The following RORA variants were observed in gnomAD, a reference collection of about 807,000 sequenced individuals.
The protein encoded by RORA is nuclear receptor ROR-alpha.
In RORA, 7 loss-of-function variants were observed where a neutral mutation model predicts 69.5. The ratio of observed to expected loss-of-function variants is 0.10; its 90% confidence interval spans 0.06 to 0.19. The LOEUF is 0.19. Ranked by LOEUF, RORA falls within the 10% of genes least tolerant of loss-of-function variation. The pLI is 1.00. For missense variants in RORA, 457 were observed against 663.0 expected (o/e 0.69, Z 3.41); for synonymous variants, 261 against 240.8 (o/e 1.08, Z -0.78).
chr15:60,584,558 A>G (rs2140495271), intron 2 of RORA, among the ~76,000 whole-genome samples: 1 of 152,348 alleles, frequency 6.6e-6, no homozygotes, highest in Admixed American at 6.5e-5. Flanking sequence ...TTCATGGCTT[A>G]AGACACTTGA....
chr15:61,011,892 G>C (rs1895098383), intron 1 of RORA, among the ~76,000 whole-genome samples: 1 of 152,222 alleles, frequency 6.6e-6, no homozygotes, highest in Non-Finnish European at 1.5e-5. Context: ...CTCATTTCCA[G>C]AGAGCTTGCG....
chr15:60,951,038 A>T (rs1893077507), intron 1 of RORA, among the ~76,000 whole-genome samples: 1 of 151,070 alleles, frequency 6.6e-6, no homozygotes, highest in African/African-American at 2.4e-5. Flanking sequence ...CACACTTGGA[A>T]GTAAAGCTCT....
At chr15:61,181,228 C>T (rs942133070) in intron 1 of RORA, 1 of 151,914 alleles carries the variant, frequency 6.6e-6, no homozygotes, top group Non-Finnish European at 1.5e-5. Context: ...CCGGCCCAGT[C>T]AGAAATCCAG....
At chr15:60,643,484 T>C (rs184896249) in intron 2 of RORA, among the ~76,000 whole-genome samples, 102 of 152,350 alleles carry the variant, frequency 6.7e-4, no homozygotes, top group South Asian at 2.1e-4. Flanking sequence ...ATAGTTTGTG[T>C]TCCAAGAATA....
At chr15:61,137,354 C>G (rs1596019375) in intron 1 of RORA, among the ~76,000 whole-genome samples, 1 of 152,332 alleles carries the variant, frequency 6.6e-6, no homozygotes, top group South Asian at 2.1e-4. Flanking sequence ...CTCTCTGGCG[C>G]CCAAAGTGGC....
chr15:60,863,638 A>T (rs989051184), intron 1 of RORA, among the ~76,000 whole-genome samples: 5 of 152,244 alleles, frequency 3.3e-5, no homozygotes, highest in African/African-American at 1.2e-4. Context: ...TAATACTGCC[A>T]TCTACCTTAC....
intron 1 of RORA, among the ~76,000 whole-genome samples, chr15:60,840,255 G>A (rs2073178172): frequency 6.6e-6 from 1 of 152,234 alleles, no homozygotes; most frequent in South Asian, 2.1e-4. Flanking sequence ...TCATCAGAGG[G>A]AAAGGAAGGA....
At chr15:60,844,821 A>G (rs2073244103) in intron 1 of RORA, among the ~76,000 whole-genome samples, 2 of 152,362 alleles carry the variant, frequency 1.3e-5, no homozygotes, top group African/African-American at 4.8e-5. Flanking sequence ...CTCCAGGGCT[A>G]CACTTGGGGA....
rs1595860606 is a variant in RORA at position 60,497,596 on chromosome 15, T to C, written c.1431A>G (p.Leu477=). ...CTGTATGTCGTCCACATAAGGCTCT[T>C]AAGGTAGACACCTTGCATATTAACT... ...LTKLICKVST[L]RALCGRHTEK... Residue 477 remains leucine (L), a synonymous_variant, in exon 11 of 11, where the codon TTA becomes TTG. Coordinates refer to ENST00000335670, the MANE Select transcript of RORA (RefSeq NM_134261.3). 6.2e-7 allele frequency: 1 copy of C among 1,612,314 alleles called. No homozygotes were observed.
intron 2 of RORA, among the ~76,000 whole-genome samples, chr15:60,563,787 T>C (rs781065486): frequency 6.6e-6 from 1 of 152,088 alleles, no homozygotes; most frequent in Non-Finnish European, 1.5e-5. Context: ...CATCTTCTAG[T>C]TCACTGTGGT....
chr15:61,168,716 A>C (rs1010618907), intron 1 of RORA, among the ~76,000 whole-genome samples: 1 of 152,006 alleles, frequency 6.6e-6, no homozygotes, highest in Non-Finnish European at 1.5e-5. Flanking sequence ...GGTTCCCCTC[A>C]CCAGGAGTCT....
At chr15:61,219,064 G>A (rs1408049607) in intron 1 of RORA, among the ~76,000 whole-genome samples, 1 of 152,190 alleles carries the variant, frequency 6.6e-6, no homozygotes, top group East Asian at 1.9e-4. Flanking sequence ...ATCAGAGCAT[G>A]AGACTTGGAC....
In RORA at chr15:60,869,401, A is replaced by T. The variant is rs141693366; in HGVS notation, c.167-190715T>A. Among the ~76,000 whole-genome samples the T allele has an allele frequency of 1.4e-3, 215 of 152,296 alleles. 1 individual carries two copies. The highest frequency in any genetic ancestry group is 3.9e-3 in the African/African-American group (162 of 41,576). ...TCACCCAGGATAGGCCACAATATAG[A>T]TTATCCAGGTGCACCTAACAGGAGA... On this transcript the variant is annotated intron_variant, in intron 1 of 10. Transcript: ENST00000335670.
intron 1 of RORA, among the ~76,000 whole-genome samples, chr15:60,998,659 A>T (rs1894645221): frequency 6.6e-6 from 1 of 152,174 alleles, no homozygotes; most frequent in Admixed American, 6.5e-5. Context: ...TCAGTCTCCC[A>T]AAGTGCTGGG....
rs77001062 is a variant in RORA, at chr15:60,747,988, G to A, written c.167-69302C>T. On this transcript the variant is annotated intron_variant, in intron 1 of 10. Coordinates refer to ENST00000335670, the MANE Select transcript of RORA (RefSeq NM_134261.3). ...TATATTGCATTGCCCACTTGTTAAA[G>A]TTTAAAATGTTGCAAATGGCCAAGA... Among the ~76,000 whole-genome samples the A allele has an allele frequency of 3.2e-4, 49 of 152,232 alleles. No individual in the cohort carries two copies. In the East Asian group the frequency reaches 9.1e-3, roughly 28 times the overall value.
chr15:60,509,594 C>G (rs1488629068), intron 5 of RORA, among the ~76,000 whole-genome samples: 1 of 152,152 alleles, frequency 6.6e-6, no homozygotes, highest in Non-Finnish European at 1.5e-5. Flanking sequence ...ATTTGACAAG[C>G]AAACAGGACA....
chr15:60,984,320 G>A (rs983847396), intron 1 of RORA, among the ~76,000 whole-genome samples: 1 of 152,014 alleles, frequency 6.6e-6, no homozygotes, highest in African/African-American at 2.4e-5. Context: ...GGAGAAGGGT[G>A]CATTCTACAT....
At chr15:61,149,451 T>C (rs2079379214) in intron 1 of RORA, among the ~76,000 whole-genome samples, 1 of 142,438 alleles carries the variant, frequency 7.0e-6, no homozygotes, top group Non-Finnish European at 1.6e-5. Context: ...GAAAAGAAGT[T>C]ACTTCAGCGG....
At chr15:61,110,532 T>A (rs1413424181) in intron 1 of RORA, among the ~76,000 whole-genome samples, 1 of 152,230 alleles carries the variant, frequency 6.6e-6, no homozygotes, top group Non-Finnish European at 1.5e-5. Flanking sequence ...TTATTTTTTT[T>A]AAATGATAAC....
Sources: allele counts gnomAD v4.1 joint callset (sites outside exome capture counted in the v4.1 genomes callset), GRCh38; gene constraint gnomAD v4.1.1; transcripts MANE v1.5; gene names NCBI Gene and HGNC (gene_info 2026-07-23, HGNC 2026-07-21).